Variants in ARHGAP15 observed in about 807,000 individuals in gnomAD.
ARHGAP15 encodes the protein Rho GTPase activating protein 15, also known as rho GTPase-activating protein 15.
Under a neutral mutation model 63.7 loss-of-function variants are expected in ARHGAP15, and 51 were observed. The ratio of observed to expected loss-of-function variants is 0.80; its 90% CI spans 0.64 to 1.01. ARHGAP15 has a LOEUF of 1.01. ARHGAP15 is among the 50% of genes least tolerant of loss of function. The pLI, the probability that ARHGAP15 is intolerant of heterozygous loss-of-function variation, is 0.00. For missense variants in ARHGAP15, 560 were observed against 564.6 expected (o/e 0.99, Z 0.08); for synonymous variants, 191 against 193.8 (o/e 0.99, Z 0.12).
chr2:143,463,142 A>T (rs1691033531), intron 8 of ARHGAP15, among the ~76,000 whole-genome samples: 2 of 152,208 alleles, frequency 1.3e-5, no homozygotes, highest in Non-Finnish European at 1.5e-5. Flanking sequence ...GGCCCAAGAC[A>T]ATTATTCTTC....
At chr2:143,346,192 A>G (rs13413457) in intron 6 of ARHGAP15, among the ~76,000 whole-genome samples, 7 of 145,112 alleles carry the variant, frequency 4.8e-5, no homozygotes, top group Non-Finnish European at 1.1e-4. Flanking sequence ...TCACACACAC[A>G]CTCTCTCTCT....
intron 13 of ARHGAP15, among the ~76,000 whole-genome samples, chr2:143,739,068 C>G (rs1685862543): frequency 6.6e-6 from 1 of 152,028 alleles, no homozygotes; most frequent in East Asian, 1.9e-4. Context: ...ACAATAGAAC[C>G]AGCTGCTGGT....
intron 6 of ARHGAP15, among the ~76,000 whole-genome samples, chr2:143,287,912 G>GTGA (rs1270337807): frequency 3.9e-5 from 6 of 152,198 alleles, no homozygotes; most frequent in African/African-American, 1.4e-4. Context: ...TGCCTTTCAG[G>GTGA]TGAAGGATGC....
chr2:143,157,639 C>T (rs1464669256), intron 2 of ARHGAP15, among the ~76,000 whole-genome samples: 1 of 151,594 alleles, frequency 6.6e-6, no homozygotes, highest in Admixed American at 6.6e-5. Context: ...TGTCATTTCA[C>T]CGAGAAAACT....
chr2:143,636,097 A>G (rs1022388985), intron 12 of ARHGAP15, among the ~76,000 whole-genome samples: 2 of 152,120 alleles, frequency 1.3e-5, no homozygotes, highest in South Asian at 2.1e-4. Flanking sequence ...TTGAGTGTCC[A>G]GCAGGTGAAA....
intron 2 of ARHGAP15, among the ~76,000 whole-genome samples, chr2:143,165,449 T>A (rs962923794): frequency 1.3e-5 from 2 of 152,068 alleles, no homozygotes; most frequent in Admixed American, 1.3e-4. Context: ...TTAGATCATA[T>A]CATGTAGCAC....
intron 12 of ARHGAP15, among the ~76,000 whole-genome samples, chr2:143,647,430 A>T (rs1036909637): frequency 1.3e-5 from 2 of 151,934 alleles, no homozygotes; most frequent in East Asian, 3.9e-4. Context: ...ATCTGCTCAC[A>T]TTACAGTGCT....
chr2:143,216,569 T>C, intron 4 of ARHGAP15, 124 bp downstream of exon 4: 1 of 642,162 alleles, frequency 1.6e-6, no homozygotes, highest in Non-Finnish European at 2.7e-6. Context: ...TCTCCTCTGC[T>C]ACTGCTATGA....
intron 1 of ARHGAP15, among the ~76,000 whole-genome samples, chr2:143,133,576 G>T (rs1044662950): frequency 1.3e-5 from 2 of 152,170 alleles, no homozygotes; most frequent in African/African-American, 4.8e-5. Context: ...CTGTTCAGGT[G>T]CCTGAGGTTC....
chr2:143,674,563 T>C (rs1682730247), intron 12 of ARHGAP15, among the ~76,000 whole-genome samples: 1 of 152,148 alleles, frequency 6.6e-6, no homozygotes, highest in African/African-American at 2.4e-5. Flanking sequence ...AGGGCCTACA[T>C]TTATCAAAAC....
At chr2:143,240,615 A>G (rs1693827136) in intron 5 of ARHGAP15, among the ~76,000 whole-genome samples, 1 of 152,198 alleles carries the variant, frequency 6.6e-6, no homozygotes, top group Non-Finnish European at 1.5e-5. Flanking sequence ...TTGCCACATC[A>G]GCATGGTTAT....
intron 2 of ARHGAP15, among the ~76,000 whole-genome samples, chr2:143,167,625 A>G (rs1222438670): frequency 2.6e-5 from 4 of 152,054 alleles, no homozygotes; most frequent in Admixed American, 1.3e-4. Context: ...CAAGGTCACC[A>G]ACATGTACCT....
At chr2:143,298,222 A>G (rs1179699564) in intron 6 of ARHGAP15, among the ~76,000 whole-genome samples, 1 of 151,968 alleles carries the variant, frequency 6.6e-6, no homozygotes, top group Non-Finnish European at 1.5e-5. Context: ...ATGTATTGCT[A>G]TAGAGATATT....
chr2:143,757,857 A>G (rs1056380506), intron 13 of ARHGAP15, among the ~76,000 whole-genome samples: 1 of 152,176 alleles, frequency 6.6e-6, no homozygotes, highest in Non-Finnish European at 1.5e-5. Flanking sequence ...AAACAAAGAT[A>G]AAATCCAAAA....
intron 3 of ARHGAP15, among the ~76,000 whole-genome samples, chr2:143,202,838 T>C (rs1692175424): frequency 2.6e-5 from 4 of 152,122 alleles, no homozygotes; most frequent in Admixed American, 2.6e-4. Flanking sequence ...GGCACTTTTT[T>C]CCATGTTTTT....
chr2:143,439,399 G>A (rs746740110), intron 8 of ARHGAP15, among the ~76,000 whole-genome samples: 29 of 94,010 alleles, frequency 3.1e-4, no homozygotes, highest in Non-Finnish European at 5.3e-4. Context: ...CTCCAGCCTG[G>A]GCGACAGAGC....
At chr2:143,183,912 C>T (rs1402600306) in intron 2 of ARHGAP15, among the ~76,000 whole-genome samples, 1 of 152,002 alleles carries the variant, frequency 6.6e-6, no homozygotes, top group Admixed American at 6.6e-5. Context: ...TTAGGCAAAC[C>T]AGAATTTTCT....
intron 8 of ARHGAP15, among the ~76,000 whole-genome samples, chr2:143,473,490 C>T (rs1457327394): frequency 6.6e-6 from 1 of 152,138 alleles, no homozygotes; most frequent in Admixed American, 6.6e-5. Context: ...CTCTTTTACT[C>T]TTGGTTCTGC....
At chr2:143,424,604 G>A (rs765690002) in intron 6 of ARHGAP15, among the ~76,000 whole-genome samples, 2 of 151,876 alleles carry the variant, frequency 1.3e-5, no homozygotes, top group Non-Finnish European at 2.9e-5. Flanking sequence ...TTTCACCTGT[G>A]TTGTCCTCTT....
Sources: gnomAD v4.1 joint callset for allele counts (sites outside exome capture counted in the v4.1 genomes callset) on GRCh38, gnomAD v4.1.1 for gene constraint, MANE v1.5 for transcripts, NCBI Gene and HGNC (gene_info 2026-07-23, HGNC 2026-07-21) for gene names.